NRXN1: variants seen among roughly 807,000 people sequenced by gnomAD.
NRXN1 encodes the protein neurexin 1, also known as neurexin-1.
In NRXN1, 39 loss-of-function variants were observed where a neutral mutation model predicts 150.9. The observed-to-expected ratio is 0.26, with a 90% CI of 0.20 to 0.34. The LOEUF is 0.34. Among genes scored for constraint, NRXN1 ranks in the 10% least tolerant of loss-of-function variants. The pLI is 1.00. For synonymous variants in NRXN1, 924 were observed against 757.0 expected (o/e 1.22, Z -3.62); for missense variants, 1,815 against 1,949.9 (o/e 0.93, Z 1.30).
intron 18 of NRXN1, among the ~76,000 whole-genome samples, chr2:50,175,709 T>C (rs1172416078): frequency 6.6e-6 from 1 of 152,024 alleles, no homozygotes; most frequent in Non-Finnish European, 1.5e-5. Context: ...GTATAAGAGA[T>C]TCAGAGAACT....
chr2:50,922,804 T>C (rs1386596388), intron 3 of NRXN1, 117 bp from the exon 4 acceptor site: 2 of 1,018,764 alleles, frequency 2.0e-6, no homozygotes, highest in Non-Finnish European at 3.0e-6. Context: ...GACATGTCTG[T>C]ATCACAGAGG....
chr2:50,061,488 T>G (rs138720501), intron 19 of NRXN1, among the ~76,000 whole-genome samples: 1 of 152,304 alleles, frequency 6.6e-6, no homozygotes, highest in African/African-American at 2.4e-5. Flanking sequence ...AAAACAAAGT[T>G]GAATCTTTCG....
At chr2:50,946,443 G>A (rs540369971) in intron 2 of NRXN1, among the ~76,000 whole-genome samples, 3 of 152,196 alleles carry the variant, frequency 2.0e-5, no homozygotes, top group African/African-American at 7.2e-5. Flanking sequence ...TCTTGTGGGT[G>A]AAGCCAATTA....
chr2:50,061,448 A>C (rs544773215), intron 19 of NRXN1, among the ~76,000 whole-genome samples: 5 of 152,214 alleles, frequency 3.3e-5, no homozygotes, highest in Non-Finnish European at 7.3e-5. Flanking sequence ...GAGATGAAAA[A>C]CAAGTGGAAT....
intron 15 of NRXN1, 37 bp from the exon 16 acceptor site, chr2:50,472,508 A>G (rs1002549222): frequency 1.3e-6 from 2 of 1,569,174 alleles, no homozygotes; most frequent in African/African-American, 1.4e-5. Context: ...CAAAAGTACC[A>G]TGTCATTGAC....
intron 5 of NRXN1, among the ~76,000 whole-genome samples, chr2:50,701,318 C>A (rs967117186): frequency 1.3e-5 from 2 of 152,122 alleles, no homozygotes; most frequent in East Asian, 3.9e-4. Context: ...TATATTGACT[C>A]TTCCAGAGTT....
At chr2:50,247,681 C>T (rs964724804) in intron 17 of NRXN1, among the ~76,000 whole-genome samples, 2 of 152,016 alleles carry the variant, frequency 1.3e-5, no homozygotes, top group Non-Finnish European at 2.9e-5. Flanking sequence ...CAGAGAAAGA[C>T]TAAGGAACTG....
intron 5 of NRXN1, among the ~76,000 whole-genome samples, chr2:50,687,646 T>C (rs530312142): frequency 4.6e-5 from 7 of 152,324 alleles, no homozygotes; most frequent in Non-Finnish European, 7.3e-5. Flanking sequence ...ATAAAATGCA[T>C]GACTTTAATG....
chr2:50,885,376 C>A (rs1236244455), intron 5 of NRXN1, among the ~76,000 whole-genome samples: 2 of 142,692 alleles, frequency 1.4e-5, no homozygotes, highest in Non-Finnish European at 3.1e-5. Context: ...ACTTGCTAAC[C>A]ATAAACTACC....
chr2:50,131,769 A>G (rs896900631), intron 18 of NRXN1, among the ~76,000 whole-genome samples: 3 of 152,152 alleles, frequency 2.0e-5, no homozygotes, highest in African/African-American at 7.2e-5. Flanking sequence ...AAAATTTGCA[A>G]TTACTGATTA....
chr2:50,709,367 A>T (rs755699765), intron 5 of NRXN1, among the ~76,000 whole-genome samples: 2 of 152,174 alleles, frequency 1.3e-5, no homozygotes, highest in Non-Finnish European at 2.9e-5. Flanking sequence ...AACAATTATG[A>T]TAAGTACAGT....
intron 5 of NRXN1, among the ~76,000 whole-genome samples, chr2:50,629,079 T>G (rs1030208158): frequency 1.3e-5 from 2 of 151,710 alleles, no homozygotes; most frequent in African/African-American, 4.8e-5. Context: ...CTTTTAAAGC[T>G]GAACTTGGGC....
At position 50,055,623 on chromosome 2, in the gene NRXN1, T is replaced by G. The variant is rs1693475075; in HGVS notation, c.3719-579A>C. 2.6e-5 allele frequency among the ~76,000 whole-genome samples: 4 copies of G among 152,198 alleles called. No homozygotes were observed. In the South Asian group the frequency reaches 8.3e-4, roughly 32 times the overall value. ...TAGTTCTTGTGTATTTCACACAAAT[T>G]GATTTATCAATCACTTGGACATCAC... On this transcript the variant is annotated intron_variant, in intron 19 of 22. Transcript: ENST00000401669.
intron 5 of NRXN1, among the ~76,000 whole-genome samples, chr2:50,762,328 T>C (rs942841822): frequency 6.6e-6 from 1 of 151,888 alleles, no homozygotes; most frequent in South Asian, 2.1e-4. Context: ...TGTACTTTTT[T>C]AAATTTTTTT....
At chr2:50,473,237 G>GT in intron 15 of NRXN1, among the ~76,000 whole-genome samples, 1 of 151,680 alleles carries the variant, frequency 6.6e-6, no homozygotes, top group East Asian at 1.9e-4. Flanking sequence ...TCTGAAATCC[G>GT]TTAACAAATT....
chr2:50,425,523 G>C (rs916962512), intron 17 of NRXN1, among the ~76,000 whole-genome samples: 17 of 152,290 alleles, frequency 1.1e-4, no homozygotes. Context: ...TAGAGGCAGA[G>C]ATGGAAGAGG....
chr2:50,889,581 T>C (rs989655283), intron 5 of NRXN1, among the ~76,000 whole-genome samples: 1 of 151,746 alleles, frequency 6.6e-6, no homozygotes. Context: ...TACATTATTT[T>C]CAGAAAAAAC....
intron 17 of NRXN1, among the ~76,000 whole-genome samples, chr2:50,242,803 T>C (rs1312883972): frequency 6.6e-6 from 1 of 151,752 alleles, no homozygotes; most frequent in Non-Finnish European, 1.5e-5. Flanking sequence ...AAATGTGTTA[T>C]AACTAGCTAA....
chr2:50,527,335 T>C (rs573117174), intron 12 of NRXN1, among the ~76,000 whole-genome samples: 1 of 152,144 alleles, frequency 6.6e-6, no homozygotes, highest in Admixed American at 6.6e-5. Context: ...GCAAAATGTA[T>C]ATCCTTTTAG....
Sources: allele counts gnomAD v4.1 joint callset (sites outside exome capture counted in the v4.1 genomes callset), GRCh38; gene constraint gnomAD v4.1.1; transcripts MANE v1.5; gene names NCBI Gene and HGNC (gene_info 2026-07-23, HGNC 2026-07-21).